The following HMGB1 variants were observed in gnomAD, a reference collection of about 807,000 sequenced individuals.
HMGB1 encodes high mobility group protein B1.
For synonymous variants in HMGB1, 81 were observed against 84.0 expected (o/e 0.96, Z 0.19); for missense variants, 79 against 253.5 (o/e 0.31, Z 4.67).
At chr13:30,466,583 G>C (rs1026011475), upstream of HMGB1, among the ~76,000 whole-genome samples, 1 of 152,206 alleles carries the variant, frequency 6.6e-6, no homozygotes, top group African/African-American at 2.4e-5. Flanking sequence ...AAGCCGTCAC[G>C]TCAGGCTCGC....
chr13:30,464,294 C>T, intron 1 of HMGB1: 8 of 985,500 alleles, frequency 8.1e-6, no homozygotes, highest in Non-Finnish European at 9.6e-6. Context: ...CGTTTCCTAT[C>T]GGTTTGGCCC....
chr13:30,460,113 A>T lies in HMGB1; in HGVS notation c.*1244T>A, dbSNP rs1886217101. The T allele has an allele frequency of 6.6e-6, 1 of 152,582 alleles. No individual in the cohort carries two copies. The highest frequency in any genetic ancestry group is 2.4e-5 in the African/African-American group (1 of 41,428). 9.5% of individuals were successfully genotyped at this position (152,582 alleles called of 1,614,324 possible). ...CTAAGCAGATAAACATGACTAATGA[A>T]TGAGTTTGTTTTGTAAAGAAAAATC... On this transcript the variant is annotated 3_prime_UTR_variant, in exon 5 of 5. Coordinates refer to ENST00000341423, the MANE Select transcript of HMGB1 (RefSeq NM_002128.7).
chr13:30,489,977 C>T (rs9578177), intron 1 of HMGB1, among the ~76,000 whole-genome samples: 21,868 of 147,254 alleles, frequency 0.15, 2,211 homozygotes, highest in East Asian at 0.45. Context: ...CCGCCTGCCC[C>T]GGCCTCCCAG....
chr13:30,605,549 A>G (rs755015425), intron 1 of HMGB1, among the ~76,000 whole-genome samples: 2 of 152,254 alleles, frequency 1.3e-5, no homozygotes, highest in African/African-American at 2.4e-5. Flanking sequence ...AAGGACCACC[A>G]GGTCTGGCAA....
At chr13:30,573,483 T>A (rs1042939336) in intron 1 of HMGB1, among the ~76,000 whole-genome samples, 3 of 152,366 alleles carry the variant, frequency 2.0e-5, no homozygotes, top group African/African-American at 7.2e-5. Flanking sequence ...AGTTTAAAAA[T>A]ATTTGATTAG....
intron 1 of HMGB1, among the ~76,000 whole-genome samples, chr13:30,550,276 A>T (rs924403682): frequency 3.3e-5 from 5 of 152,234 alleles, no homozygotes; most frequent in Non-Finnish European, 5.9e-5. Flanking sequence ...TAAAAGTTAC[A>T]GAACACTGAC....
At position 30,456,760 on chromosome 13, in the gene HMGB1, C is replaced by CGGGGGGGGG. The variant is rs386378689; in HGVS notation, c.*4588_*4596dup. The CGGGGGGGGG allele has an allele frequency of 1.6e-3, 21 of 13,526 alleles. No individual in the cohort carries two copies. The highest frequency in any genetic ancestry group is 2.2e-3 in the Non-Finnish European group (16 of 7,280). The allele number at this position is 13,526 out of a possible 1,614,324, so 0.8% of individuals were successfully genotyped here. A position where few individuals can be genotyped will look rare whatever the true frequency, so the allele number is the denominator to read the frequency against. ...CAGCATAAATAACAGCTTTTGTGGGCGGGGGGGGGGGGTGGTGGGGTGCAA... is the reference window on the plus strand; with the variant it reads ...CAGCATAAATAACAGCTTTTGTGGGCGGGGGGGGGGGGGGGGGGGGGTGGTGGGGTGCAA... On this transcript the variant is annotated 3_prime_UTR_variant, in exon 5 of 5. Coordinates refer to ENST00000341423, the MANE Select transcript of HMGB1 (RefSeq NM_002128.7).
At chr13:30,571,645 T>C (rs1870441666) in intron 1 of HMGB1, among the ~76,000 whole-genome samples, 1 of 152,170 alleles carries the variant, frequency 6.6e-6, no homozygotes, top group Non-Finnish European at 1.5e-5. Flanking sequence ...AAAAATCTAC[T>C]TTTAATAGCT....
Position 30,461,246 on chromosome 13 carries a change from C to G in HMGB1, c.*111G>C. On this transcript the variant is annotated 3_prime_UTR_variant, in exon 5 of 5. Coordinates refer to ENST00000341423, the MANE Select transcript of HMGB1 (RefSeq NM_002128.7). ...AAAAAGACACTGTACAGTTTAAAAA[C>G]AAATCTTACACAGCCTTACATTTCA... 1 of 1,467,068 alleles carries G rather than the reference C, an allele frequency of 6.8e-7. No individual in the cohort carries two copies. The highest frequency in any genetic ancestry group is 9.1e-7 in the Non-Finnish European group (1 of 1,103,256). The allele number at this position is 1,467,068 out of a possible 1,614,324, so 90.9% of individuals were successfully genotyped here. A position where few individuals can be genotyped will look rare whatever the true frequency, so the allele number is the denominator to read the frequency against.
intron 1 of HMGB1, among the ~76,000 whole-genome samples, chr13:30,611,995 C>T (rs1278748354): frequency 6.6e-6 from 1 of 151,872 alleles, no homozygotes; most frequent in Non-Finnish European, 1.5e-5. Flanking sequence ...TTTGGTCAGC[C>T]ATGTAAATTG....
intron 1 of HMGB1, among the ~76,000 whole-genome samples, chr13:30,537,235 C>T (rs1004220410): frequency 6.6e-6 from 1 of 152,096 alleles, no homozygotes; most frequent in African/African-American, 2.4e-5. Flanking sequence ...CCTTTTATCT[C>T]CCCACCGTCA....
intron 1 of HMGB1, among the ~76,000 whole-genome samples, chr13:30,538,660 T>TTTCC (rs1231126286): frequency 1.0e-4 from 5 of 48,690 alleles, no homozygotes; most frequent in Non-Finnish European, 1.9e-4. Context: ...TCTTTCTTTC[T>TTTCC]TTCCTTTCTT....
intron 1 of HMGB1, among the ~76,000 whole-genome samples, chr13:30,610,060 A>C (rs1950499281): frequency 6.6e-6 from 1 of 152,260 alleles, no homozygotes; most frequent in African/African-American, 2.4e-5. Context: ...CTTAATGATT[A>C]GTAAATATAC....
intron 1 of HMGB1, among the ~76,000 whole-genome samples, chr13:30,522,736 CTT>C (rs11402797): frequency 2.0e-5 from 3 of 146,796 alleles, no homozygotes; most frequent in South Asian, 2.1e-4. Context: ...GTCTAAAAGT[CTT>C]TTTTTTTTTT....
chr13:30,555,268 C>A (rs935206710), intron 1 of HMGB1, among the ~76,000 whole-genome samples: 4 of 152,024 alleles, frequency 2.6e-5, no homozygotes, highest in Non-Finnish European at 5.9e-5. Context: ...GTCTCGATCT[C>A]CTGACCTCGT....
chr13:30,584,431 C>T (rs1451100949), intron 1 of HMGB1, among the ~76,000 whole-genome samples: 2 of 152,126 alleles, frequency 1.3e-5, no homozygotes, highest in Non-Finnish European at 2.9e-5. Context: ...TTATTTTCTC[C>T]ATAGTACATT....
chr13:30,524,500 G>A (rs963227912), intron 1 of HMGB1, among the ~76,000 whole-genome samples: 2 of 151,924 alleles, frequency 1.3e-5, no homozygotes, highest in Non-Finnish European at 2.9e-5. Flanking sequence ...CAAGGCGGCA[G>A]GAGAGGGAAT....
At chr13:30,598,064 A>T (rs1248282083) in intron 1 of HMGB1, among the ~76,000 whole-genome samples, 1 of 152,130 alleles carries the variant, frequency 6.6e-6, no homozygotes, top group Non-Finnish European at 1.5e-5. Context: ...TTTTTCCTTC[A>T]ATTCCTTTCC....
intron 1 of HMGB1, among the ~76,000 whole-genome samples, chr13:30,522,736 C>CTT (rs11402797): frequency 0.013 from 1,967 of 146,716 alleles, 69 homozygotes; most frequent in Admixed American, 0.077. Context: ...GTCTAAAAGT[C>CTT]TTTTTTTTTT....
Sources: allele counts gnomAD v4.1 joint callset (sites outside exome capture counted in the v4.1 genomes callset), GRCh38; gene constraint gnomAD v4.1.1; transcripts MANE v1.5; gene names NCBI Gene and HGNC (gene_info 2026-07-23, HGNC 2026-07-21).